The following ALDH18A1 variants were observed in gnomAD, a reference collection of about 807,000 sequenced individuals.
ALDH18A1 encodes delta-1-pyrroline-5-carboxylate synthase.
In ALDH18A1, 44 loss-of-function variants were observed where a neutral mutation model predicts 88.8. The ratio of observed to expected loss-of-function variants is 0.50; its 90% CI spans 0.39 to 0.64. ALDH18A1 has a LOEUF of 0.64. Among genes scored for constraint, ALDH18A1 ranks in the 30% least tolerant of loss-of-function variants. The pLI is 0.00. For missense variants in ALDH18A1, 782 were observed against 1,009.5 expected (o/e 0.77, Z 3.05); for synonymous variants, 331 against 372.1 (o/e 0.89, Z 1.27).
chr10:95,606,568 A>T lies in ALDH18A1; in HGVS notation c.*194T>A. 2.0e-6 allele frequency: 3 copies of T among 1,483,174 alleles called. No homozygotes were observed. The South Asian group carries it at 4.1e-5, about 20-fold the overall frequency. 91.9% of individuals were successfully genotyped at this position (1,483,174 alleles called of 1,614,324 possible). A position where few individuals can be genotyped will look rare whatever the true frequency, so the allele number is the denominator to read the frequency against. On this transcript the variant is annotated 3_prime_UTR_variant, in exon 18 of 18. Coordinates refer to ENST00000371224, the MANE Select transcript of ALDH18A1 (RefSeq NM_002860.4). Reference sequence around the variant, plus strand: ...AACTATTTTCTTACTTTAAAAAAAAAGGGTGAGCTGGGAGCCAGACTGTGC... The same window carrying T: ...AACTATTTTCTTACTTTAAAAAAAATGGGTGAGCTGGGAGCCAGACTGTGC...
chr10:95,627,510 C>T lies in ALDH18A1; in HGVS notation c.1010G>A (p.Gly337Glu). Residue 337 changes from glycine to glutamate, a missense_variant, in exon 9 of 18, where the codon GGG becomes GAG. Transcript: ENST00000371224. ...IANGTHPKVS[G>E]HVITDIVEGK... is the part of the protein sequence containing the mutation. ...CTCCACAATGTCTGTGATGACGTGC[C>T]CAGACACCTTTGGGTGGGTTCCATT... 1.2e-6 allele frequency: 2 copies of T among 1,614,118 alleles called. No homozygotes were observed. Among genetic ancestry groups the T allele is most frequent in the Non-Finnish European group, 1.7e-6 (2 of 1,179,980 alleles).
At chr10:95,607,860 C>A (rs990322400) in intron 17 of ALDH18A1, among the ~76,000 whole-genome samples, 1 of 152,012 alleles carries the variant, frequency 6.6e-6, no homozygotes, top group Non-Finnish European at 1.5e-5. Context: ...GTGCTGCAGG[C>A]AGAGAGAAGA....
Position 95,621,177 on chromosome 10 carries a change from G to T in ALDH18A1, c.1321C>A (p.Arg441=). 6.2e-7 allele frequency: 1 copy of T among 1,614,106 alleles called. No individual in the cohort carries two copies. Among genetic ancestry groups the T allele is most frequent in the Non-Finnish European group, 8.5e-7 (1 of 1,180,026 alleles). ...TCCTGGGAGGAGGCTGCGATCTGTC[G>T]CAGACCGATGGCCAGGCTGTTCAAT... ...SKLNSLAIGL[R]QIAASSQDSV... is the part of the protein sequence containing the mutation. The change falls in exon 12 of 18, where the codon CGA becomes AGA. Residue 441 remains arginine, a synonymous_variant. Transcript: ENST00000371224.
In ALDH18A1 at chr10:95,606,400, T is replaced by C. The variant is rs564557832; in HGVS notation, c.*362A>G. The C allele has an allele frequency of 8.8e-6, 10 of 1,133,836 alleles. No homozygotes were observed. The South Asian group carries it at 1.5e-4, about 17-fold the overall frequency. The allele number at this position is 1,133,836 out of a possible 1,614,324, so 70.2% of individuals were successfully genotyped here. A position where few individuals can be genotyped will look rare whatever the true frequency, so the allele number is the denominator to read the frequency against. On this transcript the variant is annotated 3_prime_UTR_variant, in exon 18 of 18. Coordinates refer to ENST00000371224, the MANE Select transcript of ALDH18A1 (RefSeq NM_002860.4). ...AAGATTTGTTAAGGATGACTGGCTC[T>C]AGTACCAACTAAATGCCAAGGGGGA...
chr10:95,649,170 T>C (rs2097905949), intron 2 of ALDH18A1, among the ~76,000 whole-genome samples: 1 of 152,182 alleles, frequency 6.6e-6, no homozygotes, highest in African/African-American at 2.4e-5. Context: ...TATTAAAAGT[T>C]GAAAGATGAA....
intron 2 of ALDH18A1, among the ~76,000 whole-genome samples, chr10:95,648,178 G>T (rs1027155558): frequency 6.6e-6 from 1 of 152,142 alleles, no homozygotes; most frequent in Admixed American, 6.5e-5. Flanking sequence ...TCCTCAGGGA[G>T]ACAGTGTCAG....
chr10:95,619,703 A>G (rs945543018), intron 12 of ALDH18A1, among the ~76,000 whole-genome samples: 5 of 152,246 alleles, frequency 3.3e-5, no homozygotes, highest in African/African-American at 1.2e-4. Context: ...TTCCCTATTT[A>G]ATAAATGGTG....
At chr10:95,645,536 C>A (rs909993689) in intron 2 of ALDH18A1, among the ~76,000 whole-genome samples, 1 of 152,110 alleles carries the variant, frequency 6.6e-6, no homozygotes, top group Non-Finnish European at 1.5e-5. Context: ...AATGGGAAGG[C>A]GACTATGGGT....
intron 2 of ALDH18A1, among the ~76,000 whole-genome samples, chr10:95,647,041 T>C (rs145790773): frequency 6.6e-6 from 1 of 152,334 alleles, no homozygotes; most frequent in East Asian, 1.9e-4. Context: ...AGCGTTCTCA[T>C]TTTGCCTTTC....
At chr10:95,636,346 T>C (rs11592213) in intron 5 of ALDH18A1, among the ~76,000 whole-genome samples, 1 of 152,148 alleles carries the variant, frequency 6.6e-6, no homozygotes, top group Admixed American at 6.5e-5. Flanking sequence ...TAGATTTTTT[T>C]TTCAGTTGTT....
chr10:95,655,699 TG>T (rs2097916979), intron 1 of ALDH18A1, among the ~76,000 whole-genome samples: 1 of 151,628 alleles, frequency 6.6e-6, no homozygotes, highest in East Asian at 1.9e-4. Flanking sequence ...TGTGTGTGTG[TG>T]TGTGTGTGTA....
At position 95,606,001 on chromosome 10, in the gene ALDH18A1, C is replaced by A. The variant is rs909561961; in HGVS notation, c.*761G>T. Reference sequence around the variant, plus strand: ...AAGAATCCAAAGTATTAAAATAATCCTCTAATTTTTGTTTTGGAGGAAAAG... The same window carrying A: ...AAGAATCCAAAGTATTAAAATAATCATCTAATTTTTGTTTTGGAGGAAAAG... On this transcript the variant is annotated 3_prime_UTR_variant, in exon 18 of 18. Transcript: ENST00000371224. 5 of 153,258 alleles carry A rather than the reference C, an allele frequency of 3.3e-5. No homozygotes were observed. The highest frequency in any genetic ancestry group is 1.2e-4 in the African/African-American group (5 of 41,448). 9.5% of individuals were successfully genotyped at this position (153,258 alleles called of 1,614,324 possible).
chr10:95,652,881 T>C (rs955435590), intron 2 of ALDH18A1, among the ~76,000 whole-genome samples: 19 of 151,968 alleles, frequency 1.3e-4, no homozygotes, highest in African/African-American at 4.3e-4. Context: ...TTTTTCTCTC[T>C]CTCTCTTTTA....
At chr10:95,644,269 G>GT (rs1187980934) in intron 2 of ALDH18A1, among the ~76,000 whole-genome samples, 1 of 152,214 alleles carries the variant, frequency 6.6e-6, no homozygotes, top group Non-Finnish European at 1.5e-5. Flanking sequence ...CCAGATGCCT[G>GT]TAACAATGAT....
intron 7 of ALDH18A1, among the ~76,000 whole-genome samples, chr10:95,632,751 C>T (rs899515391): frequency 2.0e-5 from 3 of 152,148 alleles, no homozygotes; most frequent in African/African-American, 4.8e-5. Context: ...ACTGAAAGCA[C>T]CTGGAAGTAA....
chr10:95,616,815 A>G (rs2097845009), intron 12 of ALDH18A1: 5 of 710,618 alleles, frequency 7.0e-6, no homozygotes, highest in African/African-American at 3.5e-5. Context: ...ACTGAAGCCC[A>G]GAGAGGCTGA....
Position 95,620,999 on chromosome 10 carries a change from A to T in ALDH18A1, c.1467+32T>A, listed in dbSNP as rs181340553. On this transcript the variant is annotated intron_variant, in intron 12 of 17. Coordinates refer to ENST00000371224, the MANE Select transcript of ALDH18A1 (RefSeq NM_002860.4). ...AATATCCACACCAGCCCCCAATGGC[A>T]GGGTATTTATTCTCCCGGGGTATAT... 54 of 1,592,980 alleles carry T rather than the reference A, an allele frequency of 3.4e-5. No individual in the cohort carries two copies. In the African/African-American group the frequency reaches 6.3e-4, roughly 19 times the overall value.
At chr10:95,644,335 T>C (rs562455117) in intron 2 of ALDH18A1, among the ~76,000 whole-genome samples, 1 of 152,364 alleles carries the variant, frequency 6.6e-6, no homozygotes, top group Non-Finnish European at 1.5e-5. Flanking sequence ...AGATACTTTC[T>C]ATCCCCTTGG....
At chr10:95,607,754 C>A (rs11188397) in intron 17 of ALDH18A1, among the ~76,000 whole-genome samples, 63,647 of 151,756 alleles carry the variant, frequency 0.42, 15,204 homozygotes, top group Non-Finnish European at 0.54. Flanking sequence ...TGGGGACACG[C>A]TGGGTAGGAT....
Sources: allele counts gnomAD v4.1 joint callset (sites outside exome capture counted in the v4.1 genomes callset), GRCh38; gene constraint gnomAD v4.1.1; transcripts MANE v1.5; gene names NCBI Gene and HGNC (gene_info 2026-07-23, HGNC 2026-07-21).